The following ZNF107 variants were observed in gnomAD, a reference collection of about 807,000 sequenced individuals.
The protein encoded by ZNF107 is zinc finger protein 107.
ZNF107 carries 19 observed loss-of-function variants against 12.3 expected under a neutral mutation model. The observed-to-expected ratio is 1.55, with a 90% confidence interval of 1.08 to 2.27. The LOEUF is 2.27. Ranked by LOEUF, ZNF107 falls within the 30% of genes most tolerant of loss-of-function variation. ZNF107 has a pLI of 0.00. For missense variants in ZNF107, 958 were observed against 979.9 expected (o/e 0.98, Z 0.30); for synonymous variants, 317 against 330.5 (o/e 0.96, Z 0.44).
intron 3 of ZNF107, among the ~76,000 whole-genome samples, chr7:64,697,493 T>C (rs1173331374): frequency 2.6e-5 from 4 of 152,166 alleles, no homozygotes; most frequent in African/African-American, 9.7e-5. Context: ...TATGTATATG[T>C]TAAATTTTTT....
At chr7:64,684,031 C>A (rs1789797389) in intron 1 of ZNF107, among the ~76,000 whole-genome samples, 1 of 152,120 alleles carries the variant, frequency 6.6e-6, no homozygotes, top group East Asian at 1.9e-4. Context: ...AGGCAGTTTC[C>A]CAGGCCCTTG....
intron 3 of ZNF107, among the ~76,000 whole-genome samples, chr7:64,694,203 C>G (rs571005877): frequency 1.3e-5 from 2 of 152,358 alleles, no homozygotes; most frequent in South Asian, 4.1e-4. Flanking sequence ...GCAGGCCTGC[C>G]TGCATGGCTA....
At chr7:64,704,754 C>T (rs1327242639) in intron 3 of ZNF107, among the ~76,000 whole-genome samples, 1 of 152,134 alleles carries the variant, frequency 6.6e-6, no homozygotes, top group African/African-American at 2.4e-5. Context: ...CGGCTCACTG[C>T]AGCCTCCACC....
At chr7:64,677,465 C>T (rs1242235764) in intron 1 of ZNF107, among the ~76,000 whole-genome samples, 2 of 46,544 alleles carry the variant, frequency 4.3e-5, no homozygotes, top group Non-Finnish European at 8.3e-5. Context: ...AGCCACCGCA[C>T]CTCGCCGGAT....
chr7:64,707,054 A>G lies in ZNF107; in HGVS notation c.957A>G (p.Gly319=). 1 of 1,611,804 alleles carries G rather than the reference A, an allele frequency of 6.2e-7. No homozygotes were observed. The highest frequency in any genetic ancestry group is 8.5e-7 in the Non-Finnish European group (1 of 1,179,344). ...ACCTCTACAAGTGTAAAGAATGTGG[A>G]AAAGCTTTTAACCTATTCTCAAATC... is the stretch of plus-strand genomic sequence containing the variant. The part of the protein sequence containing the change: ...GENLYKCKEC[G]KAFNLFSNLT... Residue 319 remains glycine, a synonymous_variant, in exon 4 of 4, where the codon GGA becomes GGG. Coordinates refer to ENST00000620827, the MANE Select transcript of ZNF107 (RefSeq NM_001282359.2).
intron 1 of ZNF107, among the ~76,000 whole-genome samples, chr7:64,672,358 TATTATA>T (rs1789263982): frequency 6.6e-6 from 1 of 152,114 alleles, no homozygotes; most frequent in African/African-American, 2.4e-5. Flanking sequence ...ATTTTATTTT[TATTATA>T]ATTATTTTTG....
At chr7:64,703,581 C>T (rs1320763560) in intron 3 of ZNF107, among the ~76,000 whole-genome samples, 1 of 152,076 alleles carries the variant, frequency 6.6e-6, no homozygotes, top group East Asian at 1.9e-4. Context: ...AGGCACCCAC[C>T]ACCATGCCCA....
At chr7:64,701,318 T>C (rs6945051) in intron 3 of ZNF107, among the ~76,000 whole-genome samples, 139,553 of 152,160 alleles carry the variant, frequency 0.92, 64,046 homozygotes, top group East Asian at 0.94. Context: ...CAGTCTTGCT[T>C]TGTCACCCAG....
chr7:64,691,471 A>T, intron 2 of ZNF107, 97 bp downstream of exon 2: 1 of 1,126,912 alleles, frequency 8.9e-7, no homozygotes, highest in South Asian at 2.5e-5. Flanking sequence ...CTTTGCATAA[A>T]TGAGTTTCAG....
chr7:64,703,504 A>G (rs1318330613), intron 3 of ZNF107, among the ~76,000 whole-genome samples: 1 of 152,184 alleles, frequency 6.6e-6, no homozygotes, highest in Non-Finnish European at 1.5e-5. Flanking sequence ...ATCTCAGCTC[A>G]CTGTAACCTC....
rs531298384 is a variant in ZNF107 at position 64,679,764 on chromosome 7, A to T, written c.4-11484A>T. 6.6e-5 allele frequency among the ~76,000 whole-genome samples: 10 copies of T among 152,328 alleles called. No homozygotes were observed. The South Asian group carries it at 2.1e-3, about 32-fold the overall frequency. ...CAATATAAATTAGACAGTGGCTCTC[A>T]GTGGCCAGAAAATGGCACTTTCAAT... On this transcript the variant is annotated intron_variant, in intron 1 of 3. Transcript: ENST00000620827.
At chr7:64,690,256 A>G (rs1217669673) in intron 1 of ZNF107, 1 of 512,828 alleles carries the variant, frequency 1.9e-6, no homozygotes, top group East Asian at 1.5e-4. Flanking sequence ...TTATAATAAA[A>G]TTACCCTAGA....
chr7:64,669,613 G>T (rs57217881), intron 1 of ZNF107, among the ~76,000 whole-genome samples: 7,092 of 151,864 alleles, frequency 0.047, 447 homozygotes, highest in African/African-American at 0.14. Flanking sequence ...GGCCAACATG[G>T]TGAAGCCCCG....
intron 3 of ZNF107, among the ~76,000 whole-genome samples, chr7:64,705,218 A>G (rs1238077467): frequency 6.6e-6 from 1 of 152,006 alleles, no homozygotes; most frequent in East Asian, 1.9e-4. Context: ...TTTTGCTTAT[A>G]TATGTTTTAT....
chr7:64,684,135 C>T (rs950136958), intron 1 of ZNF107, among the ~76,000 whole-genome samples: 25 of 152,248 alleles, frequency 1.6e-4, no homozygotes, highest in African/African-American at 4.1e-4. Context: ...CCTCCAACTC[C>T]GAAAGGACTG....
rs112067000 is a variant in ZNF107, at chr7:64,694,512, G to GT, written c.226+2561dup. On this transcript the variant is annotated intron_variant, in intron 3 of 3. Coordinates refer to ENST00000620827, the MANE Select transcript of ZNF107 (RefSeq NM_001282359.2). Reference sequence around the variant, plus strand: ...TTTATTTTCTTTTTTCTTTTTTTTTGTTTTTTTTTGTTTTTTGTTTTTAAA... The same window carrying GT: ...TTTATTTTCTTTTTTCTTTTTTTTTGTTTTTTTTTTGTTTTTTGTTTTTAAA... 1.8e-3 allele frequency among the ~76,000 whole-genome samples: 266 copies of GT among 149,222 alleles called. 2 individuals carry two copies. In the South Asian group the frequency reaches 0.028, roughly 15 times the overall value.
intron 1 of ZNF107, chr7:64,669,025 TTTTTTTTTG>T (rs1372262374): frequency 7.0e-4 from 28 of 40,182 alleles, no homozygotes; most frequent in South Asian, 3.6e-3. Flanking sequence ...TTTTTTTTTT[TTTTTTTTTG>T]AGATGGAGTC....
At chr7:64,690,517 GA>G (rs1788364121) in intron 1 of ZNF107, 2 of 981,924 alleles carry the variant, frequency 2.0e-6, no homozygotes, top group South Asian at 4.7e-5. Flanking sequence ...AGATAAATGG[GA>G]AAAAAAGGTA....
At chr7:64,698,901 G>C (rs1213367797) in intron 3 of ZNF107, among the ~76,000 whole-genome samples, 1 of 152,030 alleles carries the variant, frequency 6.6e-6, no homozygotes, top group African/African-American at 2.4e-5. Context: ...TTTCATCAGT[G>C]TTGATATCCA....
Sources: allele counts gnomAD v4.1 joint callset (sites outside exome capture counted in the v4.1 genomes callset), GRCh38; gene constraint gnomAD v4.1.1; transcripts MANE v1.5; gene names NCBI Gene and HGNC (gene_info 2026-07-23, HGNC 2026-07-21).